Variants in SLCO3A1 observed in about 807,000 individuals in gnomAD.
SLCO3A1 encodes the protein solute carrier organic anion transporter family member 3A1.
SLCO3A1 carries 27 observed loss-of-function variants against 63.1 expected under a neutral mutation model. The ratio of observed to expected loss-of-function variants is 0.43; its 90% CI spans 0.32 to 0.59. The LOEUF (loss-of-function observed/expected upper bound fraction) is 0.59, where lower values mean the gene tolerates loss of function less well. Ranked by LOEUF, SLCO3A1 falls within the 20% of genes least tolerant of loss-of-function variation. The pLI is 0.09. For synonymous variants in SLCO3A1, 473 were observed against 409.9 expected (o/e 1.15, Z -1.86); for missense variants, 773 against 945.8 (o/e 0.82, Z 2.40).
chr15:92,163,069 T>G lies in SLCO3A1; in HGVS notation c.2067T>G (p.His689Gln). 5 of 1,555,542 alleles carry G rather than the reference T, an allele frequency of 3.2e-6. No individual in the cohort carries two copies. The highest frequency in any genetic ancestry group is 4.3e-6 in the Non-Finnish European group (5 of 1,153,532). ...ACCCTGTGCCCGCAAACCAGACACA[T>G]AGGACAAAGTTTATCTATAACCTGG... Reference protein sequence around the residue: ...GRDPVPANQTHRTKFIYNLED... With the variant: ...GRDPVPANQTQRTKFIYNLED... Residue 689 changes from histidine to glutamine, a missense_variant, in exon 10 of 10, where the codon CAT becomes CAG. Around this residue, in one of 3 missense-constraint regions of SLCO3A1, gnomAD observed 139 missense variants for 131.4 expected, o/e 1.06. Transcript: ENST00000318445.
chr15:91,939,284 C>T (rs866187336), intron 2 of SLCO3A1, among the ~76,000 whole-genome samples: 1 of 152,084 alleles, frequency 6.6e-6, no homozygotes, highest in Non-Finnish European at 1.5e-5. Flanking sequence ...AGAACTCGCT[C>T]ATTATCACAA....
chr15:91,924,997 G>A (rs1021792244), intron 2 of SLCO3A1, among the ~76,000 whole-genome samples: 2 of 152,198 alleles, frequency 1.3e-5, no homozygotes, highest in Non-Finnish European at 2.9e-5. Context: ...GAAGAAAGGT[G>A]AAAGTCCATG....
chr15:91,899,939 T>C (rs1898109926), intron 1 of SLCO3A1, among the ~76,000 whole-genome samples: 1 of 152,234 alleles, frequency 6.6e-6, no homozygotes, highest in Non-Finnish European at 1.5e-5. Context: ...TTAATAATAG[T>C]TTGTTCCATT....
intron 1 of SLCO3A1, among the ~76,000 whole-genome samples, chr15:91,868,762 G>T (rs1438141651): frequency 6.6e-6 from 1 of 152,132 alleles, no homozygotes; most frequent in Non-Finnish European, 1.5e-5. Context: ...AAAGTACTCA[G>T]CCCGTGCCTC....
intron 3 of SLCO3A1, among the ~76,000 whole-genome samples, chr15:92,097,128 T>C (rs561944448): frequency 6.6e-6 from 1 of 152,312 alleles, no homozygotes; most frequent in East Asian, 1.9e-4. Context: ...CCCTCAGTGC[T>C]ATCAGTGGTG....
intron 2 of SLCO3A1, among the ~76,000 whole-genome samples, chr15:92,018,232 G>C (rs1285944703): frequency 6.6e-6 from 1 of 152,198 alleles, no homozygotes; most frequent in Admixed American, 6.5e-5. Flanking sequence ...CAAACCTGTT[G>C]CTAAGTCTTT....
At chr15:92,061,461 T>C (rs898614388) in intron 2 of SLCO3A1, among the ~76,000 whole-genome samples, 3 of 152,220 alleles carry the variant, frequency 2.0e-5, no homozygotes, top group East Asian at 1.9e-4. Context: ...CCTAGTTCCT[T>C]AGTAGCTGCC....
chr15:91,891,690 A>C (rs1001372421), intron 1 of SLCO3A1, among the ~76,000 whole-genome samples: 2 of 152,140 alleles, frequency 1.3e-5, no homozygotes, highest in African/African-American at 2.4e-5. Flanking sequence ...TATCTTTTCT[A>C]CTGTACAGCA....
In SLCO3A1 at chr15:92,033,810, G is replaced by A. The variant is rs1454844006; in HGVS notation, c.647-61071G>A. 1.3e-5 allele frequency among the ~76,000 whole-genome samples: 2 copies of A among 152,170 alleles called. No homozygotes were observed. The highest frequency in any genetic ancestry group is 4.8e-5 in the African/African-American group (2 of 41,418). On this transcript the variant is annotated intron_variant, in intron 2 of 9. Coordinates refer to ENST00000318445, the MANE Select transcript of SLCO3A1 (RefSeq NM_013272.4). The surrounding 1 kb of genome is among the most constrained non-coding windows in gnomAD (Gnocchi z 4.5). ...ACTGAGGTTTTGGCATGTGTGTAAA[G>A]ACATCAAGGGAGTGAGGGACAAGCC...
chr15:91,867,423 C>G (rs959635773), intron 1 of SLCO3A1, among the ~76,000 whole-genome samples: 3 of 152,020 alleles, frequency 2.0e-5, no homozygotes, highest in Non-Finnish European at 4.4e-5. Context: ...AATGACACCT[C>G]TGTATTAAAC....
intron 7 of SLCO3A1, among the ~76,000 whole-genome samples, chr15:92,140,573 TG>T (rs2048117681): frequency 6.6e-6 from 1 of 152,180 alleles, no homozygotes; most frequent in African/African-American, 2.4e-5. Flanking sequence ...ATGTTGACAG[TG>T]GGGTGTTACA....
chr15:91,872,533 C>CA lies in SLCO3A1; in HGVS notation c.180+18456dup, dbSNP rs373474398. Among the ~76,000 whole-genome samples the CA allele has an allele frequency of 0.02, 2,706 of 136,112 alleles. 80 individuals are homozygous for CA. Among genetic ancestry groups the CA allele is most frequent in the African/African-American group, 0.065 (2,418 of 37,274 alleles). The allele number at this position is 136,112 out of a possible 152,430, so 89.3% of individuals were successfully genotyped here. A position where few individuals can be genotyped will look rare whatever the true frequency, so the allele number is the denominator to read the frequency against. ...AGGGCAACAAAATGAGACTCCGTCT[C>CA]AAAAAAAAAAAGAAAAGAAAAAAGA... On this transcript the variant is annotated intron_variant, in intron 1 of 9. Coordinates refer to ENST00000318445, the MANE Select transcript of SLCO3A1 (RefSeq NM_013272.4). This position sits in a 1 kb window ranked among gnomAD's most constrained non-coding sequence, Gnocchi z 4.1.
At chr15:92,063,415 C>A (rs1459404184) in intron 2 of SLCO3A1, among the ~76,000 whole-genome samples, 1 of 152,152 alleles carries the variant, frequency 6.6e-6, no homozygotes, top group Non-Finnish European at 1.5e-5. Context: ...AGCCAAGTGA[C>A]CTGGACATGT....
intron 9 of SLCO3A1, among the ~76,000 whole-genome samples, chr15:92,160,717 G>A (rs1489056111): frequency 6.6e-6 from 1 of 151,978 alleles, no homozygotes; most frequent in Admixed American, 6.6e-5. Context: ...CGAGAGCCTG[G>A]AGCTCTGCCA....
At chr15:92,043,654 T>C (rs936411542) in intron 2 of SLCO3A1, among the ~76,000 whole-genome samples, 21 of 152,234 alleles carry the variant, frequency 1.4e-4, no homozygotes, top group Admixed American at 5.2e-4. Context: ...TAGCTGAAGT[T>C]CCCACCAGGT....
chr15:92,018,645 G>A (rs1350168201), intron 2 of SLCO3A1, among the ~76,000 whole-genome samples: 2 of 152,248 alleles, frequency 1.3e-5, no homozygotes, highest in African/African-American at 4.8e-5. Flanking sequence ...TCCAGGAGAA[G>A]TGAGGCAGGA....
intron 2 of SLCO3A1, among the ~76,000 whole-genome samples, chr15:91,991,132 G>A (rs1461909095): frequency 2.6e-5 from 4 of 152,228 alleles, no homozygotes; most frequent in African/African-American, 7.2e-5. Context: ...TACTTTGGGA[G>A]GCTGAGGTGG....
Position 91,889,045 on chromosome 15 carries a change from A to C in SLCO3A1, c.181-26948A>C, listed in dbSNP as rs563878661. ...AGAAAAGAAAAACCAAAAAAAAAAA[A>C]CCTACAATTATTACTAGCTAACATA... On this transcript the variant is annotated intron_variant, in intron 1 of 9. Transcript: ENST00000318445. 100 of 701,330 alleles carry C rather than the reference A, an allele frequency of 1.4e-4. 1 individual carries two copies. The highest frequency in any genetic ancestry group is 1.4e-3 in the African/African-American group (68 of 49,184). The allele number at this position is 701,330 out of a possible 1,614,324, so 43.4% of individuals were successfully genotyped here.
intron 2 of SLCO3A1, among the ~76,000 whole-genome samples, chr15:91,989,554 C>T (rs910096894): frequency 6.6e-6 from 1 of 152,140 alleles, no homozygotes; most frequent in African/African-American, 2.4e-5. Flanking sequence ...ATAGAGGGCT[C>T]AAATAACTGA....
Sources: gnomAD v4.1 joint callset for allele counts (sites outside exome capture counted in the v4.1 genomes callset) on GRCh38, gnomAD v4.1.1 for gene constraint, gnomAD v4.1.1 regional missense constraint, Gnocchi (gnomAD v3.1) non-coding constraint, MANE v1.5 for transcripts, NCBI Gene and HGNC (gene_info 2026-07-23, HGNC 2026-07-21) for gene names.